The following BACH2 variants were observed in gnomAD, a reference collection of about 807,000 sequenced individuals.
The protein encoded by BACH2 is BACH transcriptional regulator 2.
A neutral mutation model predicts 61.8 loss-of-function variants in BACH2; 5 were observed. That is an observed-to-expected ratio of 0.08 (90% CI 0.04 to 0.17). The LOEUF (loss-of-function observed/expected upper bound fraction) is 0.17, where lower values mean the gene tolerates loss of function less well. BACH2 is among the 10% of genes least tolerant of loss of function. BACH2 has a pLI of 1.00. For missense variants in BACH2, 824 were observed against 1,091.1 expected (o/e 0.76, Z 3.45); for synonymous variants, 446 against 440.1 (o/e 1.01, Z -0.17).
intron 5 of BACH2, among the ~76,000 whole-genome samples, chr6:90,061,743 G>C (rs1215947575): frequency 6.6e-6 from 1 of 152,192 alleles, no homozygotes; most frequent in African/African-American, 2.4e-5. Context: ...TGGAGGCTCA[G>C]AGAAAAGTGG....
At chr6:90,132,287 T>C (rs1784104556) in intron 4 of BACH2, among the ~76,000 whole-genome samples, 1 of 152,206 alleles carries the variant, frequency 6.6e-6, no homozygotes, top group Admixed American at 6.5e-5. Context: ...CAGAACATTA[T>C]CCTTCCAGCA....
chr6:89,948,793 C>T (rs1314106097), intron 7 of BACH2, among the ~76,000 whole-genome samples: 1 of 152,162 alleles, frequency 6.6e-6, no homozygotes, highest in East Asian at 1.9e-4. Context: ...TGGCTTGGGG[C>T]ACTGGGCACA....
chr6:89,950,579 G>A lies in BACH2; in HGVS notation c.1527C>T (p.Arg509=), dbSNP rs1189535700. The A allele has an allele frequency of 2.5e-6, 4 of 1,611,688 alleles. No individual in the cohort carries two copies. The highest frequency in any genetic ancestry group is 3.4e-6 in the Non-Finnish European group (4 of 1,178,346). ...SCPVPIKVCP[R]SPPLETRTRT... ...TGGTCCTGGTCTCCAAGGGGGGTGA[G>A]CGAGGGCAGACTTTGATTGGTACCG... The change falls in exon 7 of 9, where the codon CGC becomes CGT. Residue 509 remains arginine (R), a synonymous_variant. Coordinates refer to ENST00000257749, the MANE Select transcript of BACH2 (RefSeq NM_021813.4). This position sits in a 1 kb window ranked among gnomAD's most constrained non-coding sequence, Gnocchi z 5.3.
intron 7 of BACH2, among the ~76,000 whole-genome samples, chr6:89,944,128 T>C (rs1365758482): frequency 2.6e-5 from 4 of 152,368 alleles, no homozygotes; most frequent in South Asian, 4.1e-4. Context: ...TGGGATTCAG[T>C]TGTGATACGT....
chr6:90,054,277 G>A (rs1353122487), intron 5 of BACH2, among the ~76,000 whole-genome samples: 4 of 152,150 alleles, frequency 2.6e-5, no homozygotes, highest in African/African-American at 4.8e-5. Context: ...CTAATACTGC[G>A]CTTTTCAAAT....
At chr6:90,188,387 T>C (rs952204964) in intron 4 of BACH2, among the ~76,000 whole-genome samples, 1 of 152,242 alleles carries the variant, frequency 6.6e-6, no homozygotes, top group Non-Finnish European at 1.5e-5. Flanking sequence ...TGATCTGTGA[T>C]AGTTTCAGTT....
At chr6:90,017,172 G>A (rs1017114641) in intron 5 of BACH2, among the ~76,000 whole-genome samples, 3 of 151,818 alleles carry the variant, frequency 2.0e-5, no homozygotes, top group East Asian at 1.9e-4. Context: ...TTGTCCCGTC[G>A]CTCACAAATG....
chr6:90,003,665 T>C (rs1247055802), intron 6 of BACH2, among the ~76,000 whole-genome samples: 2 of 152,246 alleles, frequency 1.3e-5, no homozygotes, highest in Non-Finnish European at 2.9e-5. Flanking sequence ...ACTAGTTTGC[T>C]GAAGACCTCA....
chr6:90,077,103 G>A (rs1781504958), intron 5 of BACH2, among the ~76,000 whole-genome samples: 1 of 152,100 alleles, frequency 6.6e-6, no homozygotes, highest in African/African-American at 2.4e-5. Context: ...TGCACATGAA[G>A]GATAAGTTAA....
intron 3 of BACH2, among the ~76,000 whole-genome samples, chr6:90,250,019 A>G (rs936961451): frequency 6.6e-6 from 1 of 152,172 alleles, no homozygotes; most frequent in Admixed American, 6.5e-5. Flanking sequence ...TTCAGCTGAC[A>G]TTCTTTTCAA....
At chr6:90,086,409 C>T (rs561399889) in intron 5 of BACH2, among the ~76,000 whole-genome samples, 17 of 152,168 alleles carry the variant, frequency 1.1e-4, no homozygotes, top group African/African-American at 3.9e-4. Flanking sequence ...GAGGAACTGT[C>T]GTACTGTTTA....
intron 2 of BACH2, among the ~76,000 whole-genome samples, chr6:90,259,936 CTTGAG>C (rs1056307376): frequency 7.9e-5 from 12 of 151,566 alleles, no homozygotes; most frequent in Admixed American, 3.9e-4. Flanking sequence ...TTTGGTTTTA[CTTGAG>C]TTTTCTTTTT....
intron 7 of BACH2, among the ~76,000 whole-genome samples, chr6:89,940,619 C>T (rs1264572335): frequency 6.6e-6 from 1 of 152,178 alleles, no homozygotes. Context: ...ACGTCTGCTC[C>T]GGATGAGCCA....
chr6:90,234,207 G>A (rs1241424286), intron 3 of BACH2, among the ~76,000 whole-genome samples: 6 of 152,212 alleles, frequency 3.9e-5, no homozygotes, highest in Non-Finnish European at 5.9e-5. Context: ...ATGTAGAGAT[G>A]AGCACAGGTA....
intron 4 of BACH2, among the ~76,000 whole-genome samples, chr6:90,122,596 A>T (rs1374370550): frequency 1.3e-5 from 2 of 152,232 alleles, no homozygotes; most frequent in Admixed American, 6.5e-5. Context: ...ATTTTAAAAA[A>T]ATTTCTACTG....
rs74562783 is a variant in BACH2, at chr6:90,016,595, A to G, written c.-12-7739T>C. Among the ~76,000 whole-genome samples the G allele has an allele frequency of 8.1e-3, 1,237 of 152,238 alleles. 21 individuals carry two copies. Among genetic ancestry groups the G allele is most frequent in the East Asian group, 0.078 (404 of 5,186 alleles). On this transcript the variant is annotated intron_variant, in intron 5 of 8. Coordinates refer to ENST00000257749, the MANE Select transcript of BACH2 (RefSeq NM_021813.4). ...TCTCCCTTCCTGGCCATTGTATTAT[A>G]CATTTTACTTGTTACTTGTTAAAAC...
chr6:90,288,196 G>A (rs1427283747), intron 1 of BACH2, among the ~76,000 whole-genome samples: 3 of 151,908 alleles, frequency 2.0e-5, no homozygotes, highest in Non-Finnish European at 2.9e-5. Flanking sequence ...GCATAATATG[G>A]AATCTTGAAC....
intron 7 of BACH2, among the ~76,000 whole-genome samples, chr6:89,940,524 G>A (rs1234161290): frequency 6.6e-6 from 1 of 152,180 alleles, no homozygotes; most frequent in African/African-American, 2.4e-5. Flanking sequence ...TGCTTCAGAA[G>A]CTCCTGGAAT....
chr6:90,287,911 A>C (rs1772070013), intron 1 of BACH2, among the ~76,000 whole-genome samples: 1 of 152,216 alleles, frequency 6.6e-6, no homozygotes, highest in African/African-American at 2.4e-5. Context: ...GGGAAGGACA[A>C]GGACTAGTTG....
Sources: gnomAD v4.1 joint callset for allele counts (sites outside exome capture counted in the v4.1 genomes callset) on GRCh38, gnomAD v4.1.1 for gene constraint, Gnocchi (gnomAD v3.1) non-coding constraint, MANE v1.5 for transcripts, NCBI Gene and HGNC (gene_info 2026-07-23, HGNC 2026-07-21) for gene names.